The following HS3ST2 variants were observed in gnomAD, a reference collection of about 807,000 sequenced individuals.
HS3ST2 encodes heparan sulfate-glucosamine 3-sulfotransferase 2, also known as heparan sulfate glucosamine 3-O-sulfotransferase 2.
Under a neutral mutation model 26.3 loss-of-function variants are expected in HS3ST2, and 17 were observed. The ratio of observed to expected loss-of-function variants is 0.65; its 90% CI spans 0.44 to 0.97. HS3ST2 has a LOEUF of 0.97. Among genes scored for constraint, HS3ST2 ranks in the 50% least tolerant of loss-of-function variants. The pLI is 0.00. For synonymous variants in HS3ST2, 237 were observed against 219.2 expected, an observed-to-expected ratio of 1.08 and a Z score of -0.72; for missense variants, 402 against 501.2, an observed-to-expected ratio of 0.80 and a Z score of 1.89.
intron 1 of HS3ST2, among the ~76,000 whole-genome samples, chr16:22,896,512 C>G (rs982616468): frequency 6.6e-6 from 1 of 152,190 alleles, no homozygotes; most frequent in African/African-American, 2.4e-5. Context: ...CAGCAAACTA[C>G]AAGTTGCCTA....
At chr16:22,869,391 G>C (rs1158667228) in intron 1 of HS3ST2, among the ~76,000 whole-genome samples, 1 of 152,174 alleles carries the variant, frequency 6.6e-6, no homozygotes, top group Non-Finnish European at 1.5e-5. Flanking sequence ...CCAAGACTCA[G>C]TTCCCTGATT....
chr16:22,829,047 C>T (rs1901131365), intron 1 of HS3ST2, among the ~76,000 whole-genome samples: 1 of 152,156 alleles, frequency 6.6e-6, no homozygotes, highest in Non-Finnish European at 1.5e-5. Flanking sequence ...ATTCAAATGG[C>T]AATTGTGCAA....
chr16:22,818,276 G>T (rs1900905265), intron 1 of HS3ST2, among the ~76,000 whole-genome samples: 1 of 152,172 alleles, frequency 6.6e-6, no homozygotes, highest in Admixed American at 6.5e-5. Flanking sequence ...ACCAGAGGTG[G>T]TCACCTAGGT....
chr16:22,914,974 G>A lies in HS3ST2; in HGVS notation c.516G>A (p.Gln172=). The A allele has an allele frequency of 1.2e-6, 2 of 1,613,640 alleles. No homozygotes were observed. Among genetic ancestry groups the A allele is most frequent in the South Asian group, 2.2e-5 (2 of 91,058 alleles). Residue 172 remains glutamine (Q), a synonymous_variant, in exon 2 of 2, where the codon CAG becomes CAA. Transcript: ENST00000261374. The part of the protein sequence containing the change: ...RSLMPRTLES[Q]ITLEKTPSYF... The stretch of plus-strand genomic sequence containing the variant: ...TGATGCCCAGGACCCTCGAGAGCCA[G>A]ATCACGCTGGAGAAGACGCCCAGCT...
At chr16:22,896,534 T>C (rs1902213228) in intron 1 of HS3ST2, among the ~76,000 whole-genome samples, 1 of 152,256 alleles carries the variant, frequency 6.6e-6, no homozygotes, top group African/African-American at 2.4e-5. Flanking sequence ...AACCACTCTG[T>C]CTTCCATTCT....
At chr16:22,861,472 G>A (rs537088402) in intron 1 of HS3ST2, among the ~76,000 whole-genome samples, 1 of 151,976 alleles carries the variant, frequency 6.6e-6, no homozygotes, top group South Asian at 2.1e-4. Context: ...AATGGCAGTG[G>A]GTAGGTGAAG....
At position 22,894,340 on chromosome 16, in the gene HS3ST2, G is replaced by A. The variant is rs572855936; in HGVS notation, c.486-20604G>A. Among the ~76,000 whole-genome samples, 5 of 152,284 alleles carry A rather than the reference G, an allele frequency of 3.3e-5. No homozygotes were observed. The South Asian group carries it at 1.0e-3, about 32-fold the overall frequency. On this transcript the variant is annotated intron_variant, in intron 1 of 1. Coordinates refer to ENST00000261374, the MANE Select transcript of HS3ST2 (RefSeq NM_006043.2). ...TCCAAGACATAATCTTCCCTCTGCT[G>A]CCCTAATAGGTGCAGGGCAGCGGCC...
At chr16:22,818,420 T>A (rs1900907146) in intron 1 of HS3ST2, among the ~76,000 whole-genome samples, 1 of 152,124 alleles carries the variant, frequency 6.6e-6, no homozygotes, top group African/African-American at 2.4e-5. Flanking sequence ...CCCTGGAAAA[T>A]TCTATGATAT....
At chr16:22,878,000 G>A (rs371344365) in intron 1 of HS3ST2, among the ~76,000 whole-genome samples, 19 of 152,296 alleles carry the variant, frequency 1.2e-4, no homozygotes, top group South Asian at 1.0e-3. Context: ...TGGGAAGCAC[G>A]TTCTGGACCA....
intron 1 of HS3ST2, among the ~76,000 whole-genome samples, chr16:22,861,263 TG>T (rs951603427): frequency 2.0e-5 from 3 of 151,866 alleles, no homozygotes; most frequent in Non-Finnish European, 2.9e-5. Context: ...CAGCCCAGTC[TG>T]GGGGGTCCAT....
chr16:22,845,642 G>T (rs1412388156), intron 1 of HS3ST2, among the ~76,000 whole-genome samples: 1 of 152,000 alleles, frequency 6.6e-6, no homozygotes, highest in African/African-American at 2.4e-5. Context: ...TGAGCCATGC[G>T]CCTGGCCTAT....
chr16:22,866,369 C>CATGTGT (rs766137596), intron 1 of HS3ST2, among the ~76,000 whole-genome samples: 2 of 143,744 alleles, frequency 1.4e-5, no homozygotes, highest in African/African-American at 5.2e-5. Flanking sequence ...ATATGGTGTG[C>CATGTGT]GTGTGTGTGT....
At chr16:22,899,837 A>T (rs2141203975) in intron 1 of HS3ST2, among the ~76,000 whole-genome samples, 1 of 152,324 alleles carries the variant, frequency 6.6e-6, no homozygotes. Context: ...TCATGATTTA[A>T]TTACCTCCCA....
chr16:22,894,150 G>A (rs1178247849), intron 1 of HS3ST2, among the ~76,000 whole-genome samples: 1 of 152,012 alleles, frequency 6.6e-6, no homozygotes, highest in Non-Finnish European at 1.5e-5. Flanking sequence ...TTGTGCTCTG[G>A]TAGATTGGAC....
chr16:22,846,596 C>T (rs1258727345), intron 1 of HS3ST2, among the ~76,000 whole-genome samples: 1 of 152,172 alleles, frequency 6.6e-6, no homozygotes, highest in African/African-American at 2.4e-5. Flanking sequence ...TGTCATTTCA[C>T]ACCGATTAGA....
At chr16:22,878,521 G>T (rs924901933) in intron 1 of HS3ST2, among the ~76,000 whole-genome samples, 19 of 152,110 alleles carry the variant, frequency 1.2e-4, no homozygotes, top group Non-Finnish European at 2.2e-4. Flanking sequence ...GTGATGCAGG[G>T]TTAGTTGGGC....
rs1263593192 is a variant in HS3ST2, at chr16:22,915,203, C to A, written c.745C>A (p.Arg249Ser). 6.2e-7 allele frequency: 1 copy of A among 1,614,140 alleles called. No individual in the cohort carries two copies. Among genetic ancestry groups the A allele is most frequent in the South Asian group, 1.1e-5 (1 of 91,076 alleles). Residue 249 changes from arginine (R) to serine (S), a missense_variant, in exon 2 of 2, where the codon CGC becomes AGC. Arg to Ser is a moderately radical substitution (Grantham distance 110). This residue lies in a region of HS3ST2 where 237 missense variants were observed against 346.6 expected (regional missense o/e 0.68). Transcript: ENST00000261374. ...GLVDVSWNAI[R>S]IGMYVLHLES... ...GGTGGACGTGTCATGGAACGCCATC[C>A]GCATCGGCATGTACGTGCTGCACCT... is the stretch of plus-strand genomic sequence containing the variant.
chr16:22,817,417 T>G (rs1191974026), intron 1 of HS3ST2, among the ~76,000 whole-genome samples: 1 of 152,208 alleles, frequency 6.6e-6, no homozygotes, highest in Non-Finnish European at 1.5e-5. Context: ...GGATTGCCAT[T>G]TCTGTGCAGG....
intron 1 of HS3ST2, among the ~76,000 whole-genome samples, chr16:22,870,589 C>T (rs1901823047): frequency 6.6e-6 from 1 of 152,218 alleles, no homozygotes; most frequent in African/African-American, 2.4e-5. Context: ...CTGCTACTCT[C>T]TTTTGCCTGT....
Sources: gnomAD v4.1 joint callset for allele counts (sites outside exome capture counted in the v4.1 genomes callset) on GRCh38, gnomAD v4.1.1 for gene constraint, gnomAD v4.1.1 regional missense constraint, MANE v1.5 for transcripts, NCBI Gene and HGNC (gene_info 2026-07-23, HGNC 2026-07-21) for gene names.